GATM: variants seen among roughly 807,000 people sequenced by gnomAD.
GATM encodes glycine amidinotransferase, also known as glycine amidinotransferase, mitochondrial.
In GATM, 23 loss-of-function variants were observed where a neutral mutation model predicts 54.2. The ratio of observed to expected loss-of-function variants is 0.42; its 90% CI spans 0.31 to 0.60. GATM has a LOEUF of 0.60. Ranked by LOEUF, GATM falls within the 20% of genes least tolerant of loss-of-function variation. The probability of loss-of-function intolerance (pLI) is 0.14; values close to 1 mark genes in which losing one functional copy is unlikely to be tolerated. For missense variants in GATM, 401 were observed against 544.9 expected (o/e 0.74, Z 2.63); for synonymous variants, 168 against 183.1 (o/e 0.92, Z 0.67).
At chr15:45,370,471 A>G (rs1374882661) in intron 2 of GATM, among the ~76,000 whole-genome samples, 1 of 152,194 alleles carries the variant, frequency 6.6e-6, no homozygotes, top group Non-Finnish European at 1.5e-5. Context: ...ATTGTGTGAC[A>G]GTGCAAATCT....
chr15:45,383,002 G>A (rs977090870), upstream of GATM, among the ~76,000 whole-genome samples: 3 of 152,140 alleles, frequency 2.0e-5, no homozygotes, highest in Non-Finnish European at 4.4e-5. Flanking sequence ...AATAGCCTGT[G>A]TTCCCTGGAA....
intron 3 of GATM, among the ~76,000 whole-genome samples, chr15:45,392,611 G>T (rs1432619174): frequency 1.3e-5 from 2 of 152,196 alleles, no homozygotes; most frequent in African/African-American, 4.8e-5. Flanking sequence ...AGGATGCTGG[G>T]TTTTTTTATG....
upstream of GATM, chr15:45,378,638 C>A: frequency 4.3e-6 from 2 of 464,878 alleles, no homozygotes; most frequent in Non-Finnish European, 7.5e-6. Flanking sequence ...GGTGGTGGGG[C>A]CGGCGTAGCG....
At chr15:45,369,547 A>C in intron 2 of GATM, 26 bp from the exon 3 acceptor site, 1 of 1,597,034 alleles carries the variant, frequency 6.3e-7, no homozygotes, top group Non-Finnish European at 8.6e-7. Context: ...AATAAACACA[A>C]TACTTACAGG....
chr15:45,398,163 G>C (rs1889955508), intron 2 of GATM, among the ~76,000 whole-genome samples: 1 of 152,186 alleles, frequency 6.6e-6, no homozygotes, highest in Non-Finnish European at 1.5e-5. Flanking sequence ...AAGGATTACA[G>C]TGTTTTTATT....
At chr15:45,398,584 A>C (rs1027073799) in intron 2 of GATM, among the ~76,000 whole-genome samples, 8 of 152,356 alleles carry the variant, frequency 5.3e-5, no homozygotes, top group Non-Finnish European at 7.3e-5. Context: ...TTTTCATTAC[A>C]TACTTTATGA....
chr15:45,369,696 T>C, intron 2 of GATM, 175 bp from the exon 3 acceptor site: 1 of 644,072 alleles, frequency 1.6e-6, no homozygotes, highest in Non-Finnish European at 2.8e-6. Flanking sequence ...AGACACTCAG[T>C]ATCTGTTGAA....
chr15:45,386,127 G>T (rs1185715200), intron 3 of GATM, among the ~76,000 whole-genome samples: 2 of 152,182 alleles, frequency 1.3e-5, no homozygotes, highest in African/African-American at 4.8e-5. Flanking sequence ...TAAAAGTGGG[G>T]TTGGAAGTGA....
At chr15:45,364,934 C>A in intron 6 of GATM, 74 bp from the exon 7 acceptor site, 1 of 1,179,260 alleles carries the variant, frequency 8.5e-7, no homozygotes, top group South Asian at 1.3e-5. Context: ...TCTAATAGCC[C>A]TTATCAGTAA....
chr15:45,401,799 A>G (rs1478304797), intron 1 of GATM: 1 of 152,222 alleles, frequency 6.6e-6, no homozygotes, highest in African/African-American at 2.4e-5. Context: ...TCCTCTCTAC[A>G]AGGGATTTTA....
In GATM at chr15:45,368,140, T is replaced by A. The variant is rs777156720; in HGVS notation, c.605A>T (p.Asp202Val). The A allele has an allele frequency of 1.2e-6, 2 of 1,614,110 alleles. No homozygotes were observed. Among genetic ancestry groups the A allele is most frequent in the Non-Finnish European group, 1.7e-6 (2 of 1,180,020 alleles). Residue 202 changes from aspartate (D) to valine (V), a missense_variant, in exon 4 of 9, where the codon GAC becomes GTC. Around this residue, in one of 3 missense-constraint regions of GATM, gnomAD observed 321 missense variants for 457.5 expected, o/e 0.70. Coordinates refer to ENST00000396659, the MANE Select transcript of GATM (RefSeq NM_001482.3). This position sits in a 1 kb window ranked among gnomAD's most constrained non-coding sequence, Gnocchi z 5.1. ...CCACTTGGCGCCACGGTGGAAGTAG[T>A]CTTTGATAATTGACCTGTACGCTCG... is the stretch of plus-strand genomic sequence containing the variant. ...EYRAYRSIIK[D>V]YFHRGAKWTT...
chr15:45,369,525 G>A lies in GATM; in HGVS notation c.289-4C>T. 6.2e-7 allele frequency: 1 copy of A among 1,613,228 alleles called. No homozygotes were observed. The highest frequency in any genetic ancestry group is 8.5e-7 in the Non-Finnish European group (1 of 1,179,352). ...AGTACTTTTCATATGTGTTGGCCTG[G>A]AAGTAGAAGCAAATAAACACAATAC... On this transcript the variant is annotated splice_region_variant and splice_polypyrimidine_tract_variant and intron_variant, in intron 2 of 8. Transcript: ENST00000396659.
intron 3 of GATM, among the ~76,000 whole-genome samples, chr15:45,394,356 GCAAAAATTGTCTTCCA>G (rs1889904584): frequency 6.6e-6 from 1 of 152,154 alleles, no homozygotes; most frequent in African/African-American, 2.4e-5. Flanking sequence ...CCCCATCTGT[GCAAAAATTGTCTTCCA>G]CAAAATCGGT....
chr15:45,368,383 G>A lies in GATM; in HGVS notation c.485-123C>T, dbSNP rs1056283475. 11 of 792,000 alleles carry A rather than the reference G, an allele frequency of 1.4e-5. 1 individual carries two copies. Among genetic ancestry groups the A allele is most frequent in the Middle Eastern group, 3.5e-4 (1 of 2,886 alleles). 49.1% of individuals were successfully genotyped at this position (792,000 alleles called of 1,614,324 possible). A position where few individuals can be genotyped will look rare whatever the true frequency, so the allele number is the denominator to read the frequency against. The stretch of plus-strand genomic sequence containing the variant: ...TCCCACCACTTTGGGAGGCCAAGAC[G>A]GGCGGATCACTTGATCCTCTTCAAG... On this transcript the variant is annotated intron_variant, in intron 3 of 8. Coordinates refer to ENST00000396659, the MANE Select transcript of GATM (RefSeq NM_001482.3). The surrounding 1 kb of genome is among the most constrained non-coding windows in gnomAD (Gnocchi z 5.1).
At chr15:45,374,026 T>C (rs927124853) in intron 2 of GATM, among the ~76,000 whole-genome samples, 1 of 152,240 alleles carries the variant, frequency 6.6e-6, no homozygotes, top group Non-Finnish European at 1.5e-5. Flanking sequence ...TAATAAGTTG[T>C]TGTGTTGTCC....
Position 45,366,506 on chromosome 15 carries a change from A to C in GATM, c.678T>G (p.Asp226Glu). 1 of 1,614,086 alleles carries C rather than the reference A, an allele frequency of 6.2e-7. No individual in the cohort carries two copies. The highest frequency in any genetic ancestry group is 8.5e-7 in the Non-Finnish European group (1 of 1,180,014). ...TGTCTTCTACAGAGTGGATGGGATA[A>C]TCCTAATTGGAACAAGAATGAACAC... ...PTMADELYNQ[D>E]YPIHSVEDRH... The change falls in exon 5 of 9, where the codon GAT becomes GAG. Residue 226 changes from aspartate to glutamate, a missense_variant and splice_region_variant. This residue lies in a region of GATM where 321 missense variants were observed against 457.5 expected (regional missense o/e 0.70). Transcript: ENST00000396659.
At chr15:45,367,978 A>AAT in intron 4 of GATM, 92 bp downstream of exon 4, 1 of 1,090,232 alleles carries the variant, frequency 9.2e-7, no homozygotes, top group South Asian at 1.4e-5. Context: ...TAAAATGCAT[A>AAT]ATATATACAA....
At chr15:45,376,943 T>C (rs1889648132) in intron 1 of GATM, 124 bp from the exon 2 acceptor site, 6 of 863,724 alleles carry the variant, frequency 6.9e-6, no homozygotes, top group Middle Eastern at 2.6e-4. Flanking sequence ...TAGAACAGCA[T>C]AAACCAAGAC....
chr15:45,378,463 C>A lies in GATM; in HGVS notation c.-10G>T. 6.9e-7 allele frequency: 1 copy of A among 1,439,914 alleles called. No individual in the cohort carries two copies. 89.2% of individuals were successfully genotyped at this position (1,439,914 alleles called of 1,614,324 possible). On this transcript the variant is annotated 5_prime_UTR_variant, in exon 1 of 9. Transcript: ENST00000396659. ...ACCGCACCCGCAGCATCGCCCTGGC[C>A]CGGCTGGTCCACGCGCGGAATGTTC...
Sources: gnomAD v4.1 joint callset for allele counts (sites outside exome capture counted in the v4.1 genomes callset) on GRCh38, gnomAD v4.1.1 for gene constraint, gnomAD v4.1.1 regional missense constraint, Gnocchi (gnomAD v3.1) non-coding constraint, MANE v1.5 for transcripts, NCBI Gene and HGNC (gene_info 2026-07-23, HGNC 2026-07-21) for gene names.